LRRTM4: variants seen among roughly 807,000 people sequenced by gnomAD.
LRRTM4 encodes the protein leucine rich repeat transmembrane neuronal 4.
In LRRTM4, 25 loss-of-function variants were observed where a neutral mutation model predicts 47.6. The observed-to-expected ratio is 0.53, with a 90% CI of 0.38 to 0.73. LRRTM4 has a LOEUF of 0.73. LRRTM4 is among the 30% of genes least tolerant of loss of function. The probability of loss-of-function intolerance (pLI) is 0.00; values close to 1 mark genes in which losing one functional copy is unlikely to be tolerated. For synonymous variants in LRRTM4, 311 were observed against 269.5 expected, an observed-to-expected ratio of 1.15 and a Z score of -1.51; for missense variants, 638 against 713.4, an observed-to-expected ratio of 0.89 and a Z score of 1.20.
rs992675675 is a variant in LRRTM4, at chr2:76,757,499, A to C, written c.1552-8583T>G. 3.3e-5 allele frequency among the ~76,000 whole-genome samples: 5 copies of C among 152,248 alleles called. No individual in the cohort carries two copies. In the South Asian group the frequency reaches 1.0e-3, roughly 32 times the overall value. On this transcript the variant is annotated intron_variant, in intron 3 of 3. Transcript: ENST00000409884. ...TAACTGGGAAGCTTATTACATTAGCAGCACTCGCAGTATTCAGTGAGGTTT... is the reference window on the plus strand; with the variant it reads ...TAACTGGGAAGCTTATTACATTAGCCGCACTCGCAGTATTCAGTGAGGTTT...
chr2:77,122,557 T>C (rs1671547955), intron 3 of LRRTM4, among the ~76,000 whole-genome samples: 1 of 150,884 alleles, frequency 6.6e-6, no homozygotes, highest in Admixed American at 6.7e-5. Context: ...CACATACACA[T>C]ATATATAATC....
intron 3 of LRRTM4, among the ~76,000 whole-genome samples, chr2:76,816,819 G>GTTTTTTTTTATTTTTTTTT (rs1670910913): frequency 1.0e-5 from 1 of 96,524 alleles, no homozygotes; most frequent in African/African-American, 3.2e-5. Context: ...GAGGTAAAGA[G>GTTTTTTTTTATTTTTTTTT]TTTTTTTTTT....
At chr2:76,755,497 TCTTAGAAA>T (rs1558633701) in intron 3 of LRRTM4, among the ~76,000 whole-genome samples, 1 of 152,136 alleles carries the variant, frequency 6.6e-6, no homozygotes, top group East Asian at 1.9e-4. Flanking sequence ...AAACCAAAAC[TCTTAGAAA>T]CTTCTGCAAG....
At chr2:76,890,711 A>T (rs1173238242) in intron 3 of LRRTM4, among the ~76,000 whole-genome samples, 1 of 151,986 alleles carries the variant, frequency 6.6e-6, no homozygotes, top group Non-Finnish European at 1.5e-5. Flanking sequence ...ATACATATCA[A>T]CAAAAAATAA....
chr2:76,947,326 T>C (rs1416308809), intron 3 of LRRTM4, among the ~76,000 whole-genome samples: 1 of 151,786 alleles, frequency 6.6e-6, no homozygotes, highest in East Asian at 1.9e-4. Flanking sequence ...GATGAGAGAG[T>C]TAAAAGCTAG....
At chr2:77,487,342 G>T (rs1394132503) in intron 3 of LRRTM4, among the ~76,000 whole-genome samples, 1 of 152,150 alleles carries the variant, frequency 6.6e-6, no homozygotes, top group Non-Finnish European at 1.5e-5. Context: ...GGCTTCTCCC[G>T]ACTCCCAGTA....
At chr2:76,839,652 A>T (rs796568051) in intron 3 of LRRTM4, among the ~76,000 whole-genome samples, 14 of 152,230 alleles carry the variant, frequency 9.2e-5, no homozygotes, top group African/African-American at 3.1e-4. Context: ...TTATTCAAAC[A>T]TAGCTTTTCC....
At chr2:77,274,436 C>T (rs60085994) in intron 3 of LRRTM4, among the ~76,000 whole-genome samples, 23,629 of 151,986 alleles carry the variant, frequency 0.16, 3,983 homozygotes, top group African/African-American at 0.42. Context: ...CTATCCATAT[C>T]TCTTATGGGA....
intron 3 of LRRTM4, among the ~76,000 whole-genome samples, chr2:77,130,996 G>C (rs957844406): frequency 2.5e-4 from 34 of 137,054 alleles, no homozygotes; most frequent in African/African-American, 9.0e-4. Flanking sequence ...CACTACGCCC[G>C]GCTAATTTTT....
chr2:76,862,259 T>C (rs563968039), intron 3 of LRRTM4, among the ~76,000 whole-genome samples: 12 of 152,276 alleles, frequency 7.9e-5, no homozygotes, highest in African/African-American at 2.4e-4. Flanking sequence ...GTTGGTACTC[T>C]TGGTGCATAG....
At chr2:77,339,181 A>T (rs1327314994) in intron 3 of LRRTM4, among the ~76,000 whole-genome samples, 1 of 152,024 alleles carries the variant, frequency 6.6e-6, no homozygotes, top group Non-Finnish European at 1.5e-5. Flanking sequence ...GATCAACAGA[A>T]GCCCAAATCT....
At chr2:77,070,486 A>G (rs1393670538) in intron 3 of LRRTM4, among the ~76,000 whole-genome samples, 2 of 147,252 alleles carry the variant, frequency 1.4e-5, no homozygotes, top group African/African-American at 2.6e-5. Context: ...CCTTGCAGAA[A>G]AGCAAACTAA....
intron 3 of LRRTM4, among the ~76,000 whole-genome samples, chr2:77,391,954 A>T (rs1673521643): frequency 6.6e-6 from 1 of 152,056 alleles, no homozygotes; most frequent in African/African-American, 2.4e-5. Flanking sequence ...AAAAGAGATC[A>T]AAGTATTTTA....
chr2:76,780,518 A>AT (rs1435984713), intron 3 of LRRTM4, among the ~76,000 whole-genome samples: 1 of 151,772 alleles, frequency 6.6e-6, no homozygotes, highest in Non-Finnish European at 1.5e-5. Flanking sequence ...TTCATCTTCC[A>AT]TTGCTGATAC....
At chr2:76,953,272 C>A (rs771777897) in intron 3 of LRRTM4, among the ~76,000 whole-genome samples, 20 of 151,786 alleles carry the variant, frequency 1.3e-4, no homozygotes, top group Non-Finnish European at 2.5e-4. Context: ...CCTTTTCCCC[C>A]ACAGGAACAC....
intron 3 of LRRTM4, among the ~76,000 whole-genome samples, chr2:77,287,308 A>T (rs1342346448): frequency 6.6e-6 from 1 of 152,124 alleles, no homozygotes; most frequent in African/African-American, 2.4e-5. Flanking sequence ...GAAAAATGAC[A>T]GTCCTAAAAC....
chr2:76,916,693 T>A (rs929765109), intron 3 of LRRTM4, among the ~76,000 whole-genome samples: 8 of 152,210 alleles, frequency 5.3e-5, no homozygotes, highest in Non-Finnish European at 8.8e-5. Context: ...TCCTTACTAA[T>A]TTCAAAGCCA....
intron 3 of LRRTM4, among the ~76,000 whole-genome samples, chr2:77,196,559 T>C (rs532491972): frequency 4.6e-5 from 7 of 152,178 alleles, no homozygotes; most frequent in South Asian, 4.2e-4. Context: ...TCCTGGCCAA[T>C]ATGGCGAAAC....
rs139771123 is a variant in LRRTM4 at position 77,004,623 on chromosome 2, A to G, written c.1552-255707T>C. Among the ~76,000 whole-genome samples the G allele has an allele frequency of 4.4e-3, 672 of 152,202 alleles. 4 individuals are homozygous for G. Among genetic ancestry groups the G allele is most frequent in the Middle Eastern group, 0.017 (5 of 294 alleles). ...TCGGAGCCCCCACACAGAGTCCCCA[A>G]TGGGGCACTGTCTATTGGATCTGTG... On this transcript the variant is annotated intron_variant, in intron 3 of 3. Transcript: ENST00000409884.
Sources: gnomAD v4.1 joint callset for allele counts (sites outside exome capture counted in the v4.1 genomes callset) on GRCh38, gnomAD v4.1.1 for gene constraint, MANE v1.5 for transcripts, NCBI Gene and HGNC (gene_info 2026-07-23, HGNC 2026-07-21) for gene names.